Variants in COL18A1 observed in about 807,000 individuals in gnomAD.
COL18A1 encodes the protein collagen type XVIII alpha 1 chain, also known as collagen alpha-1(XVIII) chain.
A neutral mutation model predicts 168.0 loss-of-function variants in COL18A1; 133 were observed. The observed-to-expected ratio is 0.79, with a 90% CI of 0.69 to 0.91. The LOEUF is 0.91. COL18A1 is among the 40% of genes least tolerant of loss of function. The pLI is 0.00. For missense variants in COL18A1, 2,126 were observed against 1,925.4 expected (o/e 1.10, Z -1.95); for synonymous variants, 949 against 809.0 (o/e 1.17, Z -2.94).
chr21:45,420,649 G>A (rs1345302921), intron 2 of COL18A1: 1 of 152,296 alleles, frequency 6.6e-6, no homozygotes, highest in African/African-American at 2.4e-5. Flanking sequence ...ATTTTTTCCT[G>A]GGCCTGTATC....
At chr21:45,464,382 C>A (rs1486102807) in intron 2 of COL18A1, among the ~76,000 whole-genome samples, 1 of 152,192 alleles carries the variant, frequency 6.6e-6, no homozygotes, top group Non-Finnish European at 1.5e-5. Flanking sequence ...ACTCCAGCCA[C>A]ACATGAGAGG....
chr21:45,418,709 G>A, intron 2 of COL18A1, among the ~76,000 whole-genome samples: 1 of 150,310 alleles, frequency 6.7e-6, no homozygotes, highest in Non-Finnish European at 1.5e-5. Flanking sequence ...GGGCCTCCCA[G>A]CCACCTCACG....
chr21:45,487,436 G>C lies in COL18A1; in HGVS notation c.1834-11G>C. 2 of 1,612,642 alleles carry C rather than the reference G, an allele frequency of 1.2e-6. No homozygotes were observed. Among genetic ancestry groups the C allele is most frequent in the Non-Finnish European group, 1.7e-6 (2 of 1,179,988 alleles). On this transcript the variant is annotated splice_polypyrimidine_tract_variant and intron_variant, in intron 16 of 41. Transcript: ENST00000651438. The stretch of plus-strand genomic sequence containing the variant: ...ACACAGGCCCCTACGTGTCTCGTGT[G>C]TCTCTTCCAGGATGACATGGAAGGC...
intron 15 of COL18A1, among the ~76,000 whole-genome samples, chr21:45,484,994 A>G (rs2036058855): frequency 6.6e-6 from 1 of 152,138 alleles, no homozygotes; most frequent in South Asian, 2.1e-4. Flanking sequence ...ATGAAATTAG[A>G]AAGAGGTTTT....
rs1303078991 is a variant in COL18A1 at position 45,471,537 on chromosome 21, C to A, written c.652-2358C>A. ...CGCTGCCACAGATGGTGCCTGGGAC[C>A]CCCGGCCGCAGCTGGGTCCAACAGA... On this transcript the variant is annotated intron_variant, in intron 3 of 41. Transcript: ENST00000651438. The surrounding 1 kb of genome is among the most constrained non-coding windows in gnomAD (Gnocchi z 4.4). 3.3e-5 allele frequency among the ~76,000 whole-genome samples: 5 copies of A among 152,140 alleles called. No homozygotes were observed. The highest frequency in any genetic ancestry group is 1.2e-4 in the African/African-American group (5 of 41,420).
intron 29 of COL18A1, 72 bp from the exon 30 acceptor site, chr21:45,496,428 G>A (rs771726007): frequency 2.5e-6 from 2 of 800,654 alleles, no homozygotes; most frequent in African/African-American, 3.4e-5. Flanking sequence ...TGATTTTTCT[G>A]AACTGTCTCT....
intron 29 of COL18A1, chr21:45,496,002 AT>A (rs904073664): frequency 3.2e-5 from 11 of 348,976 alleles, no homozygotes; most frequent in Admixed American, 1.5e-4. Flanking sequence ...ATATGCACAC[AT>A]GTGCACCCAT....
rs753957814 is a variant in COL18A1, at chr21:45,412,122, G to A, written c.106+6649G>A. Among the ~76,000 whole-genome samples, 8 of 151,962 alleles carry A rather than the reference G, an allele frequency of 5.3e-5. No homozygotes were observed. The South Asian group carries it at 1.0e-3, about 20-fold the overall frequency. ...CCCTGCAGGTGCATTCTCTTTCCCC[G>A]TAGCTTTTTGTCTGTTGATGCTTTC... On this transcript the variant is annotated intron_variant, in intron 2 of 41. Coordinates refer to ENST00000651438, the MANE Select transcript of COL18A1 (RefSeq NM_001379500.1).
At chr21:45,487,886 A>G (rs573832243) in intron 17 of COL18A1, among the ~76,000 whole-genome samples, 6 of 152,218 alleles carry the variant, frequency 3.9e-5, no homozygotes, top group Non-Finnish European at 7.3e-5. Flanking sequence ...TGAAATTCCT[A>G]TGAAATCTCC....
rs772878831 is a variant in COL18A1 at position 45,479,981 on chromosome 21, G to A, written c.1311+17G>A. The A allele has an allele frequency of 1.2e-5, 19 of 1,613,800 alleles. No homozygotes were observed. The highest frequency in any genetic ancestry group is 1.6e-5 in the Non-Finnish European group (19 of 1,179,980). ...GGCGACAAGGTGAGTCTCCGTGGCT[G>A]GGTGGGGCCCCTTCCTGTGTTGGCC... On this transcript the variant is annotated intron_variant, in intron 10 of 41. Transcript: ENST00000651438.
Position 45,505,468 on chromosome 21 carries a change from C to T in COL18A1, c.3087+37C>T, listed in dbSNP as rs374689646. The T allele has an allele frequency of 1.9e-4, 215 of 1,115,318 alleles. 1 individual carries two copies. Among genetic ancestry groups the T allele is most frequent in the Admixed American group, 2.8e-4 (14 of 50,812 alleles). 69.1% of individuals were successfully genotyped at this position (1,115,318 alleles called of 1,614,324 possible). A position where few individuals can be genotyped will look rare whatever the true frequency, so the allele number is the denominator to read the frequency against. The stretch of plus-strand genomic sequence containing the variant: ...GGCAGCCGGCTGGGCACCTGCGTCC[C>T]GTGCCCTGGCTGGTTCTGCAGCCCC... On this transcript the variant is annotated intron_variant, in intron 36 of 41. Transcript: ENST00000651438.
At chr21:45,414,881 GA>G (rs1342425331) in intron 2 of COL18A1, among the ~76,000 whole-genome samples, 1 of 152,182 alleles carries the variant, frequency 6.6e-6, no homozygotes, top group African/African-American at 2.4e-5. Context: ...GATGACCCTG[GA>G]TTATCAGGTG....
In COL18A1 at chr21:45,496,544, A is replaced by G. The variant is rs1030218009; in HGVS notation, c.2553A>G (p.Pro851=). ...GACCTCCAGGGCCCCCAGGCCCTCC[A>G]GGGACTCCTGTTTACGACAGCAATG... The part of the protein sequence containing the change: ...PPGPPGPPGP[P]GTPVYDSNVF... The change falls in exon 30 of 42, where the codon CCA becomes CCG. Residue 851 remains proline, a synonymous_variant. Coordinates refer to ENST00000651438, the MANE Select transcript of COL18A1 (RefSeq NM_001379500.1). 3.3e-6 allele frequency: 5 copies of G among 1,524,342 alleles called. No individual in the cohort carries two copies. The African/African-American group carries it at 4.1e-5, about 12-fold the overall frequency. 94.4% of individuals were successfully genotyped at this position (1,524,342 alleles called of 1,614,324 possible).
chr21:45,440,449 C>T (rs1228345198), intron 2 of COL18A1, among the ~76,000 whole-genome samples: 1 of 152,208 alleles, frequency 6.6e-6, no homozygotes, highest in East Asian at 1.9e-4. Flanking sequence ...AGGTCCTGGG[C>T]CTCCGTGCCA....
chr21:45,489,037 C>G (rs780106697), intron 18 of COL18A1, among the ~76,000 whole-genome samples: 1 of 152,196 alleles, frequency 6.6e-6, no homozygotes, highest in Non-Finnish European at 1.5e-5. Context: ...CTGCTGCGTG[C>G]GGGGCCAAGG....
At position 45,504,458 on chromosome 21, in the gene COL18A1, AG is replaced by A. The variant is rs747526674; in HGVS notation, c.2776del (p.Glu926SerfsTer105). On this transcript the variant is annotated frameshift_variant, in exon 34 of 42. Coordinates refer to ENST00000651438, the MANE Select transcript of COL18A1 (RefSeq NM_001379500.1). LOFTEE classifies it high-confidence loss of function. ...AGGTGATGCAGGACAGAAAGGCGAA[AG>A]GGGGGAGCCCGGGGGCGGCGGTTTC... ...DRGDAGQKGE[R>X]GEPGGGGFFG... 6.2e-7 allele frequency: 1 copy of A among 1,611,116 alleles called. No individual in the cohort carries two copies. The highest frequency in any genetic ancestry group is 8.5e-7 in the Non-Finnish European group (1 of 1,179,130).
intron 37 of COL18A1, chr21:45,506,369 G>T (rs113178326): frequency 5.9e-4 from 207 of 351,854 alleles, no homozygotes; most frequent in African/African-American, 4.2e-3. Flanking sequence ...AGGCTGTCCC[G>T]TGGCTCTGCA....
At chr21:45,502,303 G>C (rs2036909263) in intron 32 of COL18A1, among the ~76,000 whole-genome samples, 1 of 152,214 alleles carries the variant, frequency 6.6e-6, no homozygotes, top group Non-Finnish European at 1.5e-5. Flanking sequence ...GGTTTCAGGG[G>C]AACAGTCACA....
intron 2 of COL18A1, chr21:45,421,464 A>G (rs554036559): frequency 5.2e-5 from 28 of 534,622 alleles, no homozygotes; most frequent in Non-Finnish European, 9.2e-5. Context: ...CTGGCGTCTC[A>G]GGAGCGGAGC....
Sources: allele counts gnomAD v4.1 joint callset (sites outside exome capture counted in the v4.1 genomes callset), GRCh38; gene constraint gnomAD v4.1.1; non-coding constraint Gnocchi (gnomAD v3.1); transcripts MANE v1.5; gene names NCBI Gene and HGNC (gene_info 2026-07-23, HGNC 2026-07-21).